CYP20A1: variants seen among roughly 807,000 people sequenced by gnomAD.
CYP20A1 encodes the protein cytochrome P450 family 20 subfamily A member 1.
A neutral mutation model predicts 61.4 loss-of-function variants in CYP20A1; 61 were observed. That is an observed-to-expected ratio of 0.99 (90% CI 0.81 to 1.23). CYP20A1 has a LOEUF of 1.23. Ranked by LOEUF, CYP20A1 falls within the 50% of genes most tolerant of loss-of-function variation. The pLI is 0.00. For synonymous variants in CYP20A1, 193 were observed against 188.2 expected, an observed-to-expected ratio of 1.03 and a Z score of -0.21; for missense variants, 530 against 542.4, an observed-to-expected ratio of 0.98 and a Z score of 0.23.
intron 6 of CYP20A1, among the ~76,000 whole-genome samples, chr2:203,276,170 G>A (rs1024153073): frequency 6.6e-6 from 1 of 152,178 alleles, no homozygotes; most frequent in South Asian, 2.1e-4. Context: ...GTAGGACTCT[G>A]CTGCTGTATT....
At chr2:203,288,031 A>T (rs1282456835) in intron 9 of CYP20A1, among the ~76,000 whole-genome samples, 1 of 78,938 alleles carries the variant, frequency 1.3e-5, no homozygotes. Flanking sequence ...TGTTGTTTGC[A>T]GGTTTCAGCC....
chr2:203,295,854 C>T (rs1296623363), intron 11 of CYP20A1, among the ~76,000 whole-genome samples: 1 of 151,988 alleles, frequency 6.6e-6, no homozygotes, highest in African/African-American at 2.4e-5. Context: ...GAGGCTGAGA[C>T]AGGAGAATTG....
At chr2:203,269,517 G>A (rs759382247) in intron 5 of CYP20A1, among the ~76,000 whole-genome samples, 10 of 143,728 alleles carry the variant, frequency 7.0e-5, no homozygotes, top group South Asian at 2.2e-4. Flanking sequence ...TTTTTGAGAC[G>A]GAGTTTCGCT....
intron 10 of CYP20A1, among the ~76,000 whole-genome samples, chr2:203,291,827 G>A (rs933706703): frequency 2.6e-5 from 4 of 151,794 alleles, no homozygotes; most frequent in East Asian, 1.9e-4. Flanking sequence ...ATCCCTCCCC[G>A]CTCCCTCCAC....
chr2:203,273,070 C>A (rs1259002069), intron 6 of CYP20A1, among the ~76,000 whole-genome samples: 2 of 152,184 alleles, frequency 1.3e-5, no homozygotes, highest in African/African-American at 2.4e-5. Flanking sequence ...TGGTCTCGAT[C>A]TCTTGACCTT....
At chr2:203,249,097 T>G (rs941103331) in intron 3 of CYP20A1, among the ~76,000 whole-genome samples, 1 of 152,242 alleles carries the variant, frequency 6.6e-6, no homozygotes, top group Non-Finnish European at 1.5e-5. Context: ...GGTTAAATAT[T>G]AAATTTTTTC....
In CYP20A1 at chr2:203,299,764, C is replaced by T. The variant is rs1199135067; in HGVS notation, c.*2856C>T. Among the ~76,000 whole-genome samples the T allele has an allele frequency of 6.6e-6, 1 of 151,974 alleles. No individual in the cohort carries two copies. The highest frequency in any genetic ancestry group is 1.5e-5 in the Non-Finnish European group (1 of 68,006). ...TGGTGCATGCCTGTAATACCAGCTA[C>T]TCGGGAGGCTGAAGCAGGAGAACTG... On this transcript the variant is annotated 3_prime_UTR_variant, in exon 13 of 13. Transcript: ENST00000356079.
At chr2:203,250,395 TGAG>T (rs2066615222) in intron 3 of CYP20A1, among the ~76,000 whole-genome samples, 1 of 152,152 alleles carries the variant, frequency 6.6e-6, no homozygotes, top group Non-Finnish European at 1.5e-5. Flanking sequence ...AAGAGAAACC[TGAG>T]GTACAGAGAG....
Position 203,289,845 on chromosome 2 carries a change from GA to G in CYP20A1, c.1057del (p.Ile353LeufsTer41). 6.3e-7 allele frequency: 1 copy of G among 1,592,398 alleles called. No homozygotes were observed. The highest frequency in any genetic ancestry group is 8.6e-7 in the Non-Finnish European group (1 of 1,166,686). On this transcript the variant is annotated frameshift_variant, in exon 10 of 13. Coordinates refer to ENST00000356079, the MANE Select transcript of CYP20A1 (RefSeq NM_177538.3). LOFTEE classifies it high-confidence loss of function. ...TCTGCCCAGCTTCAAGATATTGAAG[GA>G]AAAATTGACCGATTTATTATTCCTA... ...PVSAQLQDIE[G>X]KIDRFIIPRE...
chr2:203,239,043 G>A lies in CYP20A1; in HGVS notation c.-20G>A, dbSNP rs1263316001. 1 of 1,611,704 alleles carries A rather than the reference G, an allele frequency of 6.2e-7. No individual in the cohort carries two copies. Among genetic ancestry groups the A allele is most frequent in the Non-Finnish European group, 8.5e-7 (1 of 1,178,286 alleles). On this transcript the variant is annotated 5_prime_UTR_variant, in exon 1 of 13. Coordinates refer to ENST00000356079, the MANE Select transcript of CYP20A1 (RefSeq NM_177538.3). ...GCTGGAGCGGCCGATCCGAGACGTG[G>A]CTCCCTGGGCGGCAGAACCATGTTG... is the stretch of plus-strand genomic sequence containing the variant.
At chr2:203,292,439 A>C in intron 11 of CYP20A1, 113 bp downstream of exon 11, 1 of 714,360 alleles carries the variant, frequency 1.4e-6, no homozygotes, top group Non-Finnish European at 2.5e-6. Flanking sequence ...GATACAACAA[A>C]AGAAAACTAG....
intron 11 of CYP20A1, among the ~76,000 whole-genome samples, chr2:203,293,954 T>C (rs564463919): frequency 1.3e-5 from 2 of 151,944 alleles, no homozygotes; most frequent in African/African-American, 2.4e-5. Flanking sequence ...TCTTAGGCCC[T>C]TCATTTCCCT....
chr2:203,278,081 G>T (rs1198751421), intron 6 of CYP20A1, among the ~76,000 whole-genome samples: 1 of 152,048 alleles, frequency 6.6e-6, no homozygotes, highest in Non-Finnish European at 1.5e-5. Flanking sequence ...TTTGAGACCG[G>T]CCTGGCCAAC....
rs2069106675 is a variant in CYP20A1, at chr2:203,303,618, C to A, written c.*6710C>A. On this transcript the variant is annotated 3_prime_UTR_variant, in exon 13 of 13. Transcript: ENST00000356079. ...GCTGAGGCAGGAGAATCGCTTGAAC[C>A]CAAGAGTCGGAGGTTGCAGTGAGCC... Among the ~76,000 whole-genome samples, 1 of 151,730 alleles carries A rather than the reference C, an allele frequency of 6.6e-6. No homozygotes were observed. Among genetic ancestry groups the A allele is most frequent in the Non-Finnish European group, 1.5e-5 (1 of 67,922 alleles).
rs531826831 is a variant in CYP20A1, at chr2:203,255,564, G to A, written c.432+3455G>A. On this transcript the variant is annotated intron_variant, in intron 4 of 12. Transcript: ENST00000356079. ...AAAAAGAAAGATTGTTTTTTCCCCT[G>A]ATCCAAGTTCATGGACTGCACTGGA... Among the ~76,000 whole-genome samples, 14 of 152,260 alleles carry A rather than the reference G, an allele frequency of 9.2e-5. No homozygotes were observed. The South Asian group carries it at 2.7e-3, about 29-fold the overall frequency.
intron 10 of CYP20A1, among the ~76,000 whole-genome samples, chr2:203,291,948 G>A (rs1480186422): frequency 2.6e-5 from 4 of 151,962 alleles, no homozygotes; most frequent in Admixed American, 6.6e-5. Flanking sequence ...TTGTCCTTGC[G>A]ATAGTTTGCT....
At chr2:203,285,012 AGTGATCCCCTCCGT>A (rs1190011745) in intron 8 of CYP20A1, among the ~76,000 whole-genome samples, 1 of 151,902 alleles carries the variant, frequency 6.6e-6, no homozygotes, top group Non-Finnish European at 1.5e-5. Flanking sequence ...TCCCTCCCAA[AGTGATCCCCTCCGT>A]GTGATCCCCT....
chr2:203,274,817 A>C (rs753029856), intron 6 of CYP20A1, among the ~76,000 whole-genome samples: 28 of 152,200 alleles, frequency 1.8e-4, no homozygotes, highest in Non-Finnish European at 3.7e-4. Context: ...ATCTTGATCA[A>C]TGCGTTTGGA....
chr2:203,272,851 CTTT>C (rs372576462), intron 6 of CYP20A1, 103 bp downstream of exon 6: 1,644 of 425,776 alleles, frequency 3.9e-3, no homozygotes, highest in South Asian at 5.5e-3. Context: ...TTTATATTTT[CTTT>C]TTTTTTTTTT....
Sources: allele counts gnomAD v4.1 joint callset (sites outside exome capture counted in the v4.1 genomes callset), GRCh38; gene constraint gnomAD v4.1.1; transcripts MANE v1.5; gene names NCBI Gene and HGNC (gene_info 2026-07-23, HGNC 2026-07-21).